The following GLMN variants were observed in gnomAD, a reference collection of about 807,000 sequenced individuals.
The protein encoded by GLMN is glomulin.
A neutral mutation model predicts 87.8 loss-of-function variants in GLMN; 75 were observed. The ratio of observed to expected loss-of-function variants is 0.85; its 90% CI spans 0.71 to 1.04. The LOEUF (loss-of-function observed/expected upper bound fraction) is 1.04. GLMN is among the 50% of genes least tolerant of loss of function. The pLI, the probability that GLMN is intolerant of heterozygous loss-of-function variation, is 0.00. For missense variants in GLMN, 588 were observed against 658.8 expected (o/e 0.89, Z 1.18); for synonymous variants, 206 against 221.6 (o/e 0.93, Z 0.63).
chr1:92,280,172 AC>A (rs1039683398), intron 7 of GLMN, among the ~76,000 whole-genome samples: 29 of 152,216 alleles, frequency 1.9e-4, no homozygotes, highest in African/African-American at 7.0e-4. Flanking sequence ...CGGGTCCCTG[AC>A]CCCCGCGTAG....
intron 16 of GLMN, chr1:92,248,469 A>G (rs1652986162): frequency 6.3e-6 from 1 of 159,932 alleles, no homozygotes; most frequent in Admixed American, 6.2e-5. Flanking sequence ...AAGTAGGTGA[A>G]GATTTTATCT....
the GLMN span, among the ~76,000 whole-genome samples, chr1:92,312,470 C>G: frequency 6.6e-6 from 1 of 151,926 alleles, no homozygotes; most frequent in African/African-American, 2.4e-5. Flanking sequence ...TGCTGCTTAT[C>G]AGCTAAGTTT....
the GLMN span, among the ~76,000 whole-genome samples, chr1:92,368,794 G>C: frequency 1.3e-5 from 2 of 152,202 alleles, no homozygotes; most frequent in Non-Finnish European, 2.9e-5. Context: ...CTTTTGATGT[G>C]TAGCATATGT....
chr1:92,277,190 A>G (rs1647390509), intron 7 of GLMN, among the ~76,000 whole-genome samples: 1 of 152,200 alleles, frequency 6.6e-6, no homozygotes, highest in South Asian at 2.1e-4. Flanking sequence ...AAAAGGAAAC[A>G]AACAAAAAAT....
the GLMN span, among the ~76,000 whole-genome samples, chr1:92,326,748 G>A: frequency 6.6e-6 from 1 of 152,182 alleles, no homozygotes; most frequent in African/African-American, 2.4e-5. Flanking sequence ...AAAGCTGGTG[G>A]CAGGCCTCAC....
chr1:92,364,798 G>A, the GLMN span, among the ~76,000 whole-genome samples: 1 of 152,092 alleles, frequency 6.6e-6, no homozygotes, highest in African/African-American at 2.4e-5. Flanking sequence ...CTTGCCGTGT[G>A]TCTCTTCATT....
chr1:92,262,787 T>A, intron 16 of GLMN, 76 bp downstream of exon 16: 1 of 712,298 alleles, frequency 1.4e-6, no homozygotes, highest in South Asian at 1.4e-5. Flanking sequence ...AATATTGGCT[T>A]TAGGTACTGA....
At chr1:92,285,784 T>C (rs1648680764) in intron 7 of GLMN, among the ~76,000 whole-genome samples, 1 of 152,340 alleles carries the variant, frequency 6.6e-6, no homozygotes, top group African/African-American at 2.4e-5. Flanking sequence ...CCACATGGAC[T>C]TTCTCTTTTG....
At chr1:92,290,344 G>C in intron 4 of GLMN, 38 bp from the exon 5 acceptor site, 1 of 1,194,660 alleles carries the variant, frequency 8.4e-7, no homozygotes, top group Non-Finnish European at 1.3e-6. Flanking sequence ...TTTAATACAA[G>C]TTGTATTTAA....
At chr1:92,333,083 T>G in the GLMN span, among the ~76,000 whole-genome samples, 1 of 152,152 alleles carries the variant, frequency 6.6e-6, no homozygotes, top group Non-Finnish European at 1.5e-5. Flanking sequence ...ATCCCCTACA[T>G]TTGTACAGCA....
chr1:92,274,823 C>A (rs1647186246), intron 7 of GLMN, among the ~76,000 whole-genome samples: 1 of 152,188 alleles, frequency 6.6e-6, no homozygotes, highest in Non-Finnish European at 1.5e-5. Flanking sequence ...TAGCAATCTG[C>A]TTTTCTACTT....
the GLMN span, among the ~76,000 whole-genome samples, chr1:92,304,685 G>T: frequency 9.5e-4 from 144 of 152,280 alleles, no homozygotes; most frequent in African/African-American, 3.2e-3. Flanking sequence ...GACAGCGGGA[G>T]TATTGTAGAT....
intron 16 of GLMN, among the ~76,000 whole-genome samples, chr1:92,256,740 T>C (rs1015313875): frequency 2.0e-5 from 3 of 152,192 alleles, no homozygotes; most frequent in African/African-American, 7.2e-5. Context: ...AACTAGGTAT[T>C]GATGGAACGT....
chr1:92,358,387 T>C, the GLMN span, among the ~76,000 whole-genome samples: 1 of 152,140 alleles, frequency 6.6e-6, no homozygotes, highest in African/African-American at 2.4e-5. Context: ...CTTTCAGAAC[T>C]TGAGGAAGTG....
At chr1:92,277,694 T>C (rs546494061) in intron 7 of GLMN, among the ~76,000 whole-genome samples, 3 of 152,332 alleles carry the variant, frequency 2.0e-5, no homozygotes, top group Admixed American at 6.5e-5. Flanking sequence ...TTCTGGAAGC[T>C]GAACGCACGA....
chr1:92,302,987 C>T (rs529948641), upstream of GLMN, among the ~76,000 whole-genome samples: 283 of 152,106 alleles, frequency 1.9e-3, no homozygotes, highest in African/African-American at 6.4e-3. Flanking sequence ...TCGCTTGAGC[C>T]CAGGAGTTTG....
chr1:92,364,364 A>G, the GLMN span, among the ~76,000 whole-genome samples: 1 of 152,210 alleles, frequency 6.6e-6, no homozygotes, highest in Non-Finnish European at 1.5e-5. Flanking sequence ...AGTTCAAAAA[A>G]TCAAGACAAA....
intron 7 of GLMN, among the ~76,000 whole-genome samples, chr1:92,278,872 A>C: frequency 6.6e-6 from 1 of 152,160 alleles, no homozygotes; most frequent in Admixed American, 6.5e-5. Flanking sequence ...TCTCTAGCCC[A>C]ATGACCTTTG....
In GLMN at chr1:92,271,553, TTTC is replaced by T. The variant is rs762710877; in HGVS notation, c.832_834del (p.Glu278del). 38 of 1,611,992 alleles carry T rather than the reference TTTC, an allele frequency of 2.4e-5. No homozygotes were observed. The highest frequency in any genetic ancestry group is 1.2e-4 in the South Asian group (11 of 91,016). ...GCCATTGAGTCTGCTAACTGTTTAT[TTTC>T]TTCTTCTTCAAATTCAAGGTAATTC... On this transcript the variant is annotated inframe_deletion, in exon 8 of 19. Transcript: ENST00000370360.
Sources: allele counts gnomAD v4.1 joint callset (sites outside exome capture counted in the v4.1 genomes callset), GRCh38; gene constraint gnomAD v4.1.1; transcripts MANE v1.5; gene names NCBI Gene and HGNC (gene_info 2026-07-23, HGNC 2026-07-21).